VPS50: variants seen among roughly 807,000 people sequenced by gnomAD.
VPS50 encodes the protein syndetin.
A neutral mutation model predicts 139.7 loss-of-function variants in VPS50; 70 were observed. The observed-to-expected ratio is 0.50, with a 90% CI of 0.41 to 0.61. The LOEUF (loss-of-function observed/expected upper bound fraction) is 0.61. Among genes scored for constraint, VPS50 ranks in the 20% least tolerant of loss-of-function variants. VPS50 has a pLI of 0.00. For synonymous variants in VPS50, 365 were observed against 376.7 expected, an observed-to-expected ratio of 0.97 and a Z score of 0.36; for missense variants, 921 against 1,133.7, an observed-to-expected ratio of 0.81 and a Z score of 2.69.
intron 24 of VPS50, 69 bp downstream of exon 24, chr7:93,348,876 TTTG>T (rs1300060630): frequency 3.6e-6 from 4 of 1,115,430 alleles, no homozygotes; most frequent in East Asian, 2.4e-5. Flanking sequence ...ATTTAGATTT[TTTG>T]TTGTTTTTTT....
intron 2 of VPS50, among the ~76,000 whole-genome samples, chr7:93,244,553 C>T (rs1394442424): frequency 1.3e-5 from 2 of 151,788 alleles, no homozygotes; most frequent in Admixed American, 6.6e-5. Flanking sequence ...ATCCTTTTTG[C>T]TCGAATGTTT....
At chr7:93,354,832 A>G (rs1424244994) in intron 26 of VPS50, among the ~76,000 whole-genome samples, 1 of 152,204 alleles carries the variant, frequency 6.6e-6, no homozygotes, top group Non-Finnish European at 1.5e-5. Context: ...CAGCTATTTC[A>G]AAGACCCTGT....
chr7:93,242,101 A>C (rs1795009949), intron 2 of VPS50, among the ~76,000 whole-genome samples: 1 of 151,866 alleles, frequency 6.6e-6, no homozygotes, highest in African/African-American at 2.4e-5. Flanking sequence ...AAATCACAAA[A>C]ATCACCAACA....
chr7:93,245,598 CTTGA>C (rs1795126550), intron 2 of VPS50, among the ~76,000 whole-genome samples: 1 of 151,848 alleles, frequency 6.6e-6, no homozygotes, highest in Non-Finnish European at 1.5e-5. Flanking sequence ...ATCTTAATCA[CTTGA>C]TTGTGTTATA....
chr7:93,335,780 G>A (rs1798053415), intron 22 of VPS50, among the ~76,000 whole-genome samples: 1 of 151,980 alleles, frequency 6.6e-6, no homozygotes, highest in South Asian at 2.1e-4. Context: ...AGATTGATGG[G>A]CCAGATTTTA....
intron 12 of VPS50, among the ~76,000 whole-genome samples, chr7:93,277,044 T>G (rs1321583024): frequency 6.6e-6 from 1 of 152,140 alleles, no homozygotes; most frequent in South Asian, 2.1e-4. Context: ...TACTTGTATT[T>G]AAAGCCCTGA....
At chr7:93,311,113 T>G (rs760521011) in intron 19 of VPS50, 53 bp from the exon 20 acceptor site, 4 of 819,506 alleles carry the variant, frequency 4.9e-6, no homozygotes, top group Non-Finnish European at 8.7e-6. Context: ...GACTAACTTA[T>G]TGGTTTATTA....
chr7:93,253,473 A>G (rs1019704237), intron 3 of VPS50, among the ~76,000 whole-genome samples: 2 of 152,214 alleles, frequency 1.3e-5, no homozygotes, highest in Admixed American at 6.5e-5. Context: ...TCATAAACAA[A>G]TAGAGATATA....
At chr7:93,281,988 A>G (rs1796341484) in intron 12 of VPS50, among the ~76,000 whole-genome samples, 1 of 152,052 alleles carries the variant, frequency 6.6e-6, no homozygotes, top group South Asian at 2.1e-4. Flanking sequence ...GTGGATCACG[A>G]GGTCAGGAGA....
At chr7:93,266,133 G>A (rs936049812) in intron 9 of VPS50, among the ~76,000 whole-genome samples, 2 of 152,176 alleles carry the variant, frequency 1.3e-5, no homozygotes, top group African/African-American at 4.8e-5. Flanking sequence ...AGACTGGAAC[G>A]TCAGTGTCTT....
intron 14 of VPS50, among the ~76,000 whole-genome samples, chr7:93,294,985 T>G (rs1045457098): frequency 6.6e-5 from 10 of 152,178 alleles, no homozygotes; most frequent in African/African-American, 2.4e-4. Flanking sequence ...AATTTTTTTT[T>G]CTGTTAATTT....
intron 19 of VPS50, among the ~76,000 whole-genome samples, chr7:93,310,474 T>C (rs1307114188): frequency 6.6e-6 from 1 of 151,996 alleles, no homozygotes; most frequent in Non-Finnish European, 1.5e-5. Context: ...GGGTTTTTTT[T>C]TTCATAGTTA....
At chr7:93,310,465 G>T (rs994361899) in intron 19 of VPS50, among the ~76,000 whole-genome samples, 6 of 151,074 alleles carry the variant, frequency 4.0e-5, no homozygotes, top group African/African-American at 1.2e-4. Flanking sequence ...TAAATTTAGG[G>T]GTTTTTTTTT....
At chr7:93,311,355 C>T in intron 20 of VPS50, 83 bp downstream of exon 20, 2 of 746,354 alleles carry the variant, frequency 2.7e-6, no homozygotes, top group Non-Finnish European at 2.4e-6. Context: ...TTTTTATTGT[C>T]TTGTATACTC....
chr7:93,238,197 G>A (rs1474250224), intron 1 of VPS50, among the ~76,000 whole-genome samples: 1 of 152,044 alleles, frequency 6.6e-6, no homozygotes, highest in African/African-American at 2.4e-5. Flanking sequence ...CCTCATGACT[G>A]TTGGTGAGAA....
intron 12 of VPS50, among the ~76,000 whole-genome samples, chr7:93,283,069 T>C (rs574304813): frequency 9.8e-5 from 15 of 152,296 alleles, no homozygotes; most frequent in African/African-American, 3.6e-4. Flanking sequence ...CATCAAAAAT[T>C]GTGAGGAGTC....
intron 2 of VPS50, among the ~76,000 whole-genome samples, chr7:93,241,746 A>G (rs1375737147): frequency 1.3e-5 from 2 of 151,964 alleles, no homozygotes; most frequent in Non-Finnish European, 2.9e-5. Flanking sequence ...GAAGACTCAT[A>G]TTCAGAAATT....
At chr7:93,275,272 G>A (rs778463735) in intron 11 of VPS50, among the ~76,000 whole-genome samples, 66 of 152,282 alleles carry the variant, frequency 4.3e-4, no homozygotes, top group Non-Finnish European at 6.6e-4. Context: ...AGGATTGACT[G>A]TAGTTTTGAA....
intron 12 of VPS50, among the ~76,000 whole-genome samples, chr7:93,281,551 C>T (rs1049608170): frequency 6.6e-5 from 10 of 152,054 alleles, no homozygotes; most frequent in Non-Finnish European, 1.3e-4. Flanking sequence ...GTTTTGGGTT[C>T]TCTATAGAAT....
Sources: allele counts gnomAD v4.1 joint callset (sites outside exome capture counted in the v4.1 genomes callset), GRCh38; gene constraint gnomAD v4.1.1; transcripts MANE v1.5; gene names NCBI Gene and HGNC (gene_info 2026-07-23, HGNC 2026-07-21).